LRRC4C: variants seen among roughly 807,000 people sequenced by gnomAD.
LRRC4C encodes the protein leucine-rich repeat-containing protein 4C.
A neutral mutation model predicts 33.6 loss-of-function variants in LRRC4C; 5 were observed. The ratio of observed to expected loss-of-function variants is 0.15; its 90% CI spans 0.08 to 0.31. The LOEUF is 0.31. Among genes scored for constraint, LRRC4C ranks in the 10% least tolerant of loss-of-function variants. The pLI is 1.00. For missense variants in LRRC4C, 560 were observed against 796.7 expected, an observed-to-expected ratio of 0.70 and a Z score of 3.58; for synonymous variants, 329 against 302.0, an observed-to-expected ratio of 1.09 and a Z score of -0.93.
intron 4 of LRRC4C, among the ~76,000 whole-genome samples, chr11:40,261,099 T>G (rs1322141973): frequency 5.3e-5 from 8 of 152,050 alleles, no homozygotes; most frequent in African/African-American, 1.9e-4. Flanking sequence ...CAGGCTGGTA[T>G]CAAACTCCTG....
At chr11:40,895,240 C>A (rs919834334) in intron 2 of LRRC4C, among the ~76,000 whole-genome samples, 5 of 151,882 alleles carry the variant, frequency 3.3e-5, no homozygotes, top group Non-Finnish European at 7.4e-5. Flanking sequence ...ATGTTAGATA[C>A]CTGGTCAAAT....
At chr11:41,011,848 T>TATATTATATTATATTATATTATATTA (rs1280598237) in intron 1 of LRRC4C, among the ~76,000 whole-genome samples, 1 of 148,276 alleles carries the variant, frequency 6.7e-6, no homozygotes, top group African/African-American at 2.4e-5. Context: ...TATATTATAT[T>TATATTATATTATATTATATTATATTA]ATGTTACATG....
At chr11:41,026,949 C>T (rs1414838346) in intron 1 of LRRC4C, among the ~76,000 whole-genome samples, 1 of 151,604 alleles carries the variant, frequency 6.6e-6, no homozygotes, top group East Asian at 1.9e-4. Context: ...AAGATACTTC[C>T]TTTATTGCAA....
intron 1 of LRRC4C, among the ~76,000 whole-genome samples, chr11:41,217,874 A>G (rs1232778592): frequency 6.6e-6 from 1 of 152,228 alleles, no homozygotes; most frequent in Non-Finnish European, 1.5e-5. Context: ...ATGTTCACAC[A>G]ATAGAATAGT....
chr11:41,245,439 G>A (rs981908261), intron 1 of LRRC4C, among the ~76,000 whole-genome samples: 6 of 152,220 alleles, frequency 3.9e-5, no homozygotes. Context: ...ATGGCAGGCA[G>A]CTCCAGGCAC....
intron 1 of LRRC4C, among the ~76,000 whole-genome samples, chr11:40,935,446 T>G (rs1957828458): frequency 6.6e-6 from 1 of 152,302 alleles, no homozygotes; most frequent in South Asian, 2.1e-4. Context: ...ACCACTTATA[T>G]GACGGTGGTC....
chr11:40,840,533 T>G (rs1214530634), intron 2 of LRRC4C, among the ~76,000 whole-genome samples: 1 of 152,134 alleles, frequency 6.6e-6, no homozygotes, highest in African/African-American at 2.4e-5. Flanking sequence ...AACATAAAAA[T>G]TGCAAAGAAC....
At chr11:41,446,600 T>C (rs542115953) in intron 1 of LRRC4C, among the ~76,000 whole-genome samples, 55 of 152,196 alleles carry the variant, frequency 3.6e-4, no homozygotes, top group African/African-American at 1.3e-3. Flanking sequence ...AATGGAGGAA[T>C]ATGGAAGCTA....
At chr11:40,643,421 A>T (rs1942243275) in intron 3 of LRRC4C, among the ~76,000 whole-genome samples, 1 of 152,104 alleles carries the variant, frequency 6.6e-6, no homozygotes, top group African/African-American at 2.4e-5. Flanking sequence ...GTCAAAGAAG[A>T]TCACACAGAA....
At chr11:41,180,686 A>G (rs1047946841) in intron 1 of LRRC4C, among the ~76,000 whole-genome samples, 2 of 152,262 alleles carry the variant, frequency 1.3e-5, no homozygotes, top group Non-Finnish European at 2.9e-5. Context: ...TGCCCTGACT[A>G]AAGTCACTCA....
chr11:41,357,048 T>TA (rs141425454), intron 1 of LRRC4C, among the ~76,000 whole-genome samples: 3,028 of 150,812 alleles, frequency 0.02, 94 homozygotes, highest in African/African-American at 0.07. Context: ...ACCCAGAAAT[T>TA]AAAAAAAAAT....
intron 2 of LRRC4C, among the ~76,000 whole-genome samples, chr11:40,665,464 C>A (rs139910549): frequency 1.4e-3 from 212 of 147,542 alleles, no homozygotes; most frequent in African/African-American, 5.2e-3. Flanking sequence ...TATTCTATTT[C>A]TATTGTGTTA....
chr11:40,526,152 G>A (rs571489472), intron 3 of LRRC4C, among the ~76,000 whole-genome samples: 20 of 151,554 alleles, frequency 1.3e-4, no homozygotes, highest in Non-Finnish European at 8.8e-5. Context: ...GAAAACAAAA[G>A]ATTATCTTAT....
Position 40,151,281 on chromosome 11 carries a change from G to T in LRRC4C, c.-95-10428C>A, listed in dbSNP as rs138748637. Among the ~76,000 whole-genome samples, 135 of 152,134 alleles carry T rather than the reference G, an allele frequency of 8.9e-4. 4 individuals carry two copies. The East Asian group carries it at 0.023, about 26-fold the overall frequency. ...CCAGACAACAGACTCTGAAATGTCA[G>T]GGATTTTTTCCATTTTATTTAGATC... On this transcript the variant is annotated intron_variant, in intron 5 of 6. Transcript: ENST00000528697.
chr11:41,350,509 CAAAA>C (rs71063914), intron 1 of LRRC4C, among the ~76,000 whole-genome samples: 5 of 106,470 alleles, frequency 4.7e-5, no homozygotes, highest in Admixed American at 1.0e-4. Flanking sequence ...GACTCCATCT[CAAAA>C]AAAAAAAAAA....
intron 4 of LRRC4C, among the ~76,000 whole-genome samples, chr11:40,267,435 T>C (rs961954858): frequency 1.3e-5 from 2 of 152,156 alleles, no homozygotes; most frequent in African/African-American, 4.8e-5. Flanking sequence ...CACTGCAAGC[T>C]CTGCCTCCCT....
chr11:40,126,785 A>T (rs1297693393), intron 6 of LRRC4C, among the ~76,000 whole-genome samples: 1 of 151,812 alleles, frequency 6.6e-6, no homozygotes, highest in East Asian at 1.9e-4. Flanking sequence ...ACATGGAGGA[A>T]CCCCATCTCT....
At chr11:40,160,690 A>C (rs1051640638) in intron 5 of LRRC4C, among the ~76,000 whole-genome samples, 7 of 152,190 alleles carry the variant, frequency 4.6e-5, no homozygotes, top group Non-Finnish European at 8.8e-5. Context: ...GTCATGAAAG[A>C]ACACATTAAA....
chr11:40,321,263 C>T (rs539723950), intron 3 of LRRC4C, among the ~76,000 whole-genome samples: 243 of 152,112 alleles, frequency 1.6e-3, no homozygotes, highest in Non-Finnish European at 2.6e-3. Context: ...TTGTTGTTGT[C>T]TTGAAAAAAC....
Sources: allele counts gnomAD v4.1 joint callset (sites outside exome capture counted in the v4.1 genomes callset), GRCh38; gene constraint gnomAD v4.1.1; transcripts MANE v1.5; gene names NCBI Gene and HGNC (gene_info 2026-07-23, HGNC 2026-07-21).